Variants in SLC17A1 observed in about 807,000 individuals in gnomAD.
SLC17A1 encodes sodium-dependent phosphate transport protein 1.
Under a neutral mutation model 53.5 loss-of-function variants are expected in SLC17A1, and 51 were observed. The ratio of observed to expected loss-of-function variants is 0.95; its 90% confidence interval spans 0.76 to 1.20. SLC17A1 has a LOEUF of 1.20. Among genes scored for constraint, SLC17A1 ranks in the 50% most tolerant of loss-of-function variants. The pLI is 0.00. For missense variants in SLC17A1, 538 were observed against 568.2 expected (o/e 0.95, Z 0.54); for synonymous variants, 179 against 198.8 (o/e 0.90, Z 0.84).
intron 10 of SLC17A1, among the ~76,000 whole-genome samples, chr6:25,810,573 G>C (rs1426697919): frequency 6.6e-6 from 1 of 151,764 alleles, no homozygotes; most frequent in Non-Finnish European, 1.5e-5. Flanking sequence ...ACACCTGTTA[G>C]AGTGTCTGTT....
rs188912998 is a variant in SLC17A1 at position 25,816,109 on chromosome 6, A to G, written c.617-2896T>C. Reference sequence around the variant, plus strand: ...CGGTTACAATATAATATTCAACTTCAGTAAATCAAAGACAATTTTGAAAGA... The same window carrying G: ...CGGTTACAATATAATATTCAACTTCGGTAAATCAAAGACAATTTTGAAAGA... On this transcript the variant is annotated intron_variant, in intron 6 of 12. Transcript: ENST00000244527. 7.6e-4 allele frequency among the ~76,000 whole-genome samples: 115 copies of G among 152,284 alleles called. 2 individuals carry two copies. The highest frequency in any genetic ancestry group is 7.1e-3 in the Admixed American group (109 of 15,300).
the SLC17A1 span, among the ~76,000 whole-genome samples, chr6:25,730,038 G>T: frequency 6.6e-6 from 1 of 152,104 alleles, no homozygotes; most frequent in Non-Finnish European, 1.5e-5. Flanking sequence ...AGTAATATTT[G>T]TGCTTCAAAT....
chr6:25,728,756 G>C, the SLC17A1 span, among the ~76,000 whole-genome samples: 1 of 152,238 alleles, frequency 6.6e-6, no homozygotes, highest in African/African-American at 2.4e-5. Context: ...GGAGGTTGCA[G>C]TGAGCCGAGA....
intron 10 of SLC17A1, among the ~76,000 whole-genome samples, chr6:25,810,780 T>A (rs776802173): frequency 1.3e-5 from 2 of 152,156 alleles, no homozygotes; most frequent in Admixed American, 1.3e-4. Flanking sequence ...GAAGTGAGAA[T>A]GTCAAAAGAG....
chr6:25,740,702 A>G, the SLC17A1 span, among the ~76,000 whole-genome samples: 48 of 152,338 alleles, frequency 3.2e-4, no homozygotes, highest in East Asian at 6.2e-3. Context: ...ACACATTAAG[A>G]AAATATATAA....
chr6:25,726,907 C>T, the SLC17A1 span: 13 of 1,609,544 alleles, frequency 8.1e-6, no homozygotes, highest in Middle Eastern at 1.7e-4. Flanking sequence ...TGTGTGGTAG[C>T]TATGCCGGAG....
At chr6:25,743,753 T>A in the SLC17A1 span, among the ~76,000 whole-genome samples, 1 of 152,224 alleles carries the variant, frequency 6.6e-6, no homozygotes, top group African/African-American at 2.4e-5. Context: ...GCTCCTGGCC[T>A]GGGAAAATTA....
At position 25,819,501 on chromosome 6, in the gene SLC17A1, A is replaced by C; in HGVS notation, c.529+10T>G. On this transcript the variant is annotated intron_variant, in intron 5 of 12. Transcript: ENST00000244527. ...ATAGGATTCAAACATTCTAGGCTTT[A>C]ATTCTTTACCTGATGTACTCATAGA... 3 of 1,598,966 alleles carry C rather than the reference A, an allele frequency of 1.9e-6. No individual in the cohort carries two copies. The highest frequency in any genetic ancestry group is 2.6e-6 in the Non-Finnish European group (3 of 1,166,342).
chr6:25,808,901 G>A (rs1225191882), intron 10 of SLC17A1, among the ~76,000 whole-genome samples: 2 of 152,000 alleles, frequency 1.3e-5, no homozygotes, highest in African/African-American at 2.4e-5. Flanking sequence ...CTGTTACTGG[G>A]TGTCTACTCA....
At chr6:25,754,097 G>C in the SLC17A1 span, among the ~76,000 whole-genome samples, 2 of 152,096 alleles carry the variant, frequency 1.3e-5, no homozygotes, top group African/African-American at 4.8e-5. Context: ...GTGACCACTG[G>C]ATTTGCTGGC....
chr6:25,821,422 C>T (rs1764557090), intron 3 of SLC17A1, among the ~76,000 whole-genome samples: 3 of 152,208 alleles, frequency 2.0e-5, no homozygotes. Flanking sequence ...AGTTCCAGAT[C>T]TTTTCCACTG....
At position 25,819,507 on chromosome 6, in the gene SLC17A1, T is replaced by C. The variant is rs561158990; in HGVS notation, c.529+4A>G. 1 of 1,606,972 alleles carries C rather than the reference T, an allele frequency of 6.2e-7. No individual in the cohort carries two copies. Among genetic ancestry groups the C allele is most frequent in the African/African-American group, 1.3e-5 (1 of 74,864 alleles). On this transcript the variant is annotated splice_donor_region_variant and intron_variant, in intron 5 of 12. Transcript: ENST00000244527. ...TTCAAACATTCTAGGCTTTAATTCT[T>C]TACCTGATGTACTCATAGAAGTAAG...
chr6:25,757,716 G>C, the SLC17A1 span, among the ~76,000 whole-genome samples: 1 of 152,146 alleles, frequency 6.6e-6, no homozygotes, highest in African/African-American at 2.4e-5. Context: ...GAAGCAGGAA[G>C]TGTCTTTCTT....
At chr6:25,770,783 C>T in the SLC17A1 span, 1 of 698,816 alleles carries the variant, frequency 1.4e-6, no homozygotes, top group South Asian at 1.8e-5. Context: ...TCTCCAAGAT[C>T]ACATAGTTAC....
At chr6:25,744,887 A>G in the SLC17A1 span, among the ~76,000 whole-genome samples, 2 of 152,202 alleles carry the variant, frequency 1.3e-5, no homozygotes, top group Non-Finnish European at 2.9e-5. Context: ...AATAGCCCGA[A>G]ATATTAAGGA....
At chr6:25,726,568 T>C in the SLC17A1 span, 6 of 1,574,532 alleles carry the variant, frequency 3.8e-6, no homozygotes, top group African/African-American at 2.7e-5. Context: ...ACCACATTTC[T>C]AGGGCTGCTA....
chr6:25,776,145 T>G, the SLC17A1 span, among the ~76,000 whole-genome samples: 1 of 117,776 alleles, frequency 8.5e-6, no homozygotes, highest in Non-Finnish European at 2.2e-5. Context: ...GCACAGAGCA[T>G]GCCAAAAAAA....
chr6:25,803,041 G>C (rs1763834787), intron 10 of SLC17A1, among the ~76,000 whole-genome samples: 4 of 139,764 alleles, frequency 2.9e-5, no homozygotes, highest in African/African-American at 1.1e-4. Flanking sequence ...CCACCTCCCA[G>C]GTTCACGCCA....
the SLC17A1 span, among the ~76,000 whole-genome samples, chr6:25,746,850 T>C: frequency 6.6e-6 from 1 of 152,158 alleles, no homozygotes; most frequent in Non-Finnish European, 1.5e-5. Flanking sequence ...TATGGCAGGA[T>C]TGATGGTATG....
Sources: allele counts gnomAD v4.1 joint callset (sites outside exome capture counted in the v4.1 genomes callset), GRCh38; gene constraint gnomAD v4.1.1; transcripts MANE v1.5; gene names NCBI Gene and HGNC (gene_info 2026-07-23, HGNC 2026-07-21).